Variants in FBXW8 observed in about 807,000 individuals in gnomAD.
The protein encoded by FBXW8 is F-box/WD repeat-containing protein 8.
FBXW8 carries 57 observed loss-of-function variants against 65.3 expected under a neutral mutation model. The observed-to-expected ratio is 0.87, with a 90% CI of 0.71 to 1.09. The LOEUF is 1.09. FBXW8 is among the 50% of genes least tolerant of loss of function. The pLI is 0.00. For missense variants in FBXW8, 777 were observed against 814.8 expected, an observed-to-expected ratio of 0.95 and a Z score of 0.57; for synonymous variants, 308 against 330.2, an observed-to-expected ratio of 0.93 and a Z score of 0.73.
chr12:117,003,854 C>A (rs1953605921), intron 7 of FBXW8, among the ~76,000 whole-genome samples: 1 of 152,178 alleles, frequency 6.6e-6, no homozygotes, highest in South Asian at 2.1e-4. Flanking sequence ...CTTTTAAGAT[C>A]TTCTCCTTGT....
chr12:116,943,844 C>T (rs941885149), intron 2 of FBXW8, among the ~76,000 whole-genome samples: 1 of 152,330 alleles, frequency 6.6e-6, no homozygotes, highest in Admixed American at 6.5e-5. Context: ...CCTCAGGCAG[C>T]TGTAGAGTTA....
rs986870008 is a variant in FBXW8, at chr12:116,985,366, C to T, written c.996C>T (p.Tyr332=). Residue 332 remains tyrosine, a synonymous_variant, in exon 6 of 11, where the codon TAC becomes TAT. Coordinates refer to ENST00000652555, the MANE Select transcript of FBXW8 (RefSeq NM_153348.3). ...VVMLSPNEEG[Y]WQIAAEFEVP... ...TGTTATCCCCCAATGAGGAGGGGTA[C>T]TGGCAGATAGCTGCGGAATTTGAAG... 7 of 1,613,130 alleles carry T rather than the reference C, an allele frequency of 4.3e-6. No homozygotes were observed. The highest frequency in any genetic ancestry group is 5.9e-6 in the Non-Finnish European group (7 of 1,179,802).
At chr12:116,959,550 A>G (rs1883857683) in intron 4 of FBXW8, among the ~76,000 whole-genome samples, 1 of 152,220 alleles carries the variant, frequency 6.6e-6, no homozygotes, top group Non-Finnish European at 1.5e-5. Flanking sequence ...TTTAGCAAAT[A>G]AGAGCTGACA....
intron 8 of FBXW8, among the ~76,000 whole-genome samples, chr12:117,013,273 CAG>C (rs1355769842): frequency 6.6e-6 from 1 of 151,962 alleles, no homozygotes; most frequent in Admixed American, 6.6e-5. Flanking sequence ...AAAAAATAAA[CAG>C]AGTCTGATGA....
chr12:116,933,630 A>G (rs536176334), intron 2 of FBXW8, among the ~76,000 whole-genome samples: 4 of 152,358 alleles, frequency 2.6e-5, no homozygotes, highest in African/African-American at 7.2e-5. Context: ...GAGCACATAT[A>G]TAAGAATAGA....
intron 2 of FBXW8, among the ~76,000 whole-genome samples, chr12:116,929,876 C>T (rs1352302319): frequency 6.6e-6 from 1 of 152,172 alleles, no homozygotes; most frequent in African/African-American, 2.4e-5. Context: ...CCATTCTACT[C>T]TCTACTTCTA....
rs150967720 is a variant in FBXW8, at chr12:117,028,146, C to T, written c.1771C>T (p.Leu591=). 4 of 1,614,192 alleles carry T rather than the reference C, an allele frequency of 2.5e-6. No individual in the cohort carries two copies. The South Asian group carries it at 3.3e-5, about 13-fold the overall frequency. ...AMATHYYDLA[L]AFPYNHV ...GGCCACTCACTACTACGACCTCGCA[C>T]TGGCCTTTCCCTATAACCATGTTTA... The change falls in exon 11 of 11, where the codon CTG becomes TTG. Residue 591 remains leucine (L), a synonymous_variant. Coordinates refer to ENST00000652555, the MANE Select transcript of FBXW8 (RefSeq NM_153348.3). The surrounding 1 kb of genome is among the most constrained non-coding windows in gnomAD (Gnocchi z 4.1).
At chr12:116,966,132 A>G (rs1419806651) in intron 5 of FBXW8, among the ~76,000 whole-genome samples, 2 of 152,036 alleles carry the variant, frequency 1.3e-5, no homozygotes, top group East Asian at 3.9e-4. Flanking sequence ...AGTAGACACT[A>G]CTGATGGATT....
chr12:116,946,036 C>T (rs1161306649), intron 3 of FBXW8, among the ~76,000 whole-genome samples: 5 of 152,148 alleles, frequency 3.3e-5, no homozygotes, highest in Non-Finnish European at 7.3e-5. Context: ...AATATTAGAT[C>T]ACAGCTAAGA....
chr12:117,007,273 CAG>C (rs1361373749), intron 7 of FBXW8, among the ~76,000 whole-genome samples: 4 of 150,986 alleles, frequency 2.6e-5, no homozygotes, highest in Admixed American at 1.3e-4. Flanking sequence ...AAAAAAAAAA[CAG>C]ATGAATAGAG....
At chr12:116,985,537 C>T (rs567423861) in intron 6 of FBXW8, 135 bp downstream of exon 6, 5 of 815,756 alleles carry the variant, frequency 6.1e-6, no homozygotes, top group Admixed American at 6.4e-5. Context: ...AGTCTAACTA[C>T]AGCCTTACAA....
rs539342438 is a variant in FBXW8 at position 116,955,309 on chromosome 12, C to T, written c.677+5603C>T. Among the ~76,000 whole-genome samples the T allele has an allele frequency of 3.3e-5, 5 of 152,336 alleles. No homozygotes were observed. In the East Asian group the frequency reaches 9.7e-4, roughly 29 times the overall value. On this transcript the variant is annotated intron_variant, in intron 4 of 10. Coordinates refer to ENST00000652555, the MANE Select transcript of FBXW8 (RefSeq NM_153348.3). ...TTTGTTGGAGAGATAAGTGGACGTGCCTTCAACTGCGACTGAGACATTCAG... is the reference window on the plus strand; with the variant it reads ...TTTGTTGGAGAGATAAGTGGACGTGTCTTCAACTGCGACTGAGACATTCAG...
chr12:117,010,223 A>G, intron 7 of FBXW8, 100 bp from the exon 8 acceptor site: 1 of 1,545,630 alleles, frequency 6.5e-7, no homozygotes. Flanking sequence ...ACGGGAGCTC[A>G]GTGATAAGGA....
At chr12:116,968,116 G>T (rs901703364) in intron 5 of FBXW8, among the ~76,000 whole-genome samples, 2 of 152,070 alleles carry the variant, frequency 1.3e-5, no homozygotes, top group African/African-American at 2.4e-5. Context: ...TACTTGGTAT[G>T]TGTGAACAAT....
At chr12:117,001,850 A>G (rs1476667754) in intron 7 of FBXW8, among the ~76,000 whole-genome samples, 3 of 152,214 alleles carry the variant, frequency 2.0e-5, no homozygotes, top group Admixed American at 2.0e-4. Flanking sequence ...CCAGGTCTTC[A>G]TGATCACATT....
At chr12:117,017,952 ACTGCTGC>A (rs1489301767) in intron 8 of FBXW8, among the ~76,000 whole-genome samples, 20 of 152,164 alleles carry the variant, frequency 1.3e-4, no homozygotes, top group African/African-American at 4.8e-4. Flanking sequence ...TGCTCGTGCT[ACTGCTGC>A]CTGCTGTTAG....
intron 7 of FBXW8, among the ~76,000 whole-genome samples, chr12:116,991,030 C>T (rs1389638691): frequency 3.3e-5 from 5 of 152,160 alleles, no homozygotes; most frequent in African/African-American, 7.2e-5. Flanking sequence ...CTGGTGTTTT[C>T]GCTGGTGTTT....
rs1192999072 is a variant in FBXW8, at chr12:116,988,820, A to G, written c.1190A>G (p.Gln397Arg). The change falls in exon 7 of 11, where the codon CAA (glutamine) becomes CGA (arginine). Residue 397 changes from glutamine (Q) to arginine (R), a missense_variant. Physicochemically the swap from Gln to Arg is conservative, Grantham distance 43. Coordinates refer to ENST00000652555, the MANE Select transcript of FBXW8 (RefSeq NM_153348.3). Reference protein sequence around the residue: ...PVTCLDVSANQVAFGVQGLGW... With the variant: ...PVTCLDVSANRVAFGVQGLGW... Reference sequence around the variant, plus strand: ...ACATGTCTAGACGTCTCGGCCAACCAAGTTGCTTTTGGTGTACAGGGTCTG... The same window carrying G: ...ACATGTCTAGACGTCTCGGCCAACCGAGTTGCTTTTGGTGTACAGGGTCTG... 22 of 1,614,102 alleles carry G rather than the reference A, an allele frequency of 1.4e-5. No homozygotes were observed. The highest frequency in any genetic ancestry group is 7.6e-6 in the Non-Finnish European group (9 of 1,180,024).
chr12:116,930,141 C>G (rs1378618437), intron 2 of FBXW8, among the ~76,000 whole-genome samples: 2 of 152,130 alleles, frequency 1.3e-5, no homozygotes, highest in African/African-American at 4.8e-5. Context: ...CCTGGCAGTA[C>G]AGAGATCACT....
Sources: allele counts gnomAD v4.1 joint callset (sites outside exome capture counted in the v4.1 genomes callset), GRCh38; gene constraint gnomAD v4.1.1; non-coding constraint Gnocchi (gnomAD v3.1); transcripts MANE v1.5; gene names NCBI Gene and HGNC (gene_info 2026-07-23, HGNC 2026-07-21).